FAM114A1: variants seen among roughly 807,000 people sequenced by gnomAD.
FAM114A1 encodes the protein family with sequence similarity 114 member A1.
A neutral mutation model predicts 64.3 loss-of-function variants in FAM114A1; 62 were observed. The ratio of observed to expected loss-of-function variants is 0.96; its 90% CI spans 0.79 to 1.19. The LOEUF is 1.19. FAM114A1 is among the 50% of genes most tolerant of loss of function. The pLI is 0.00. For missense variants in FAM114A1, 645 were observed against 676.3 expected, an observed-to-expected ratio of 0.95 and a Z score of 0.51; for synonymous variants, 254 against 251.1, an observed-to-expected ratio of 1.01 and a Z score of -0.11.
intron 7 of FAM114A1, among the ~76,000 whole-genome samples, chr4:38,912,755 T>G (rs1718680600): frequency 6.6e-6 from 1 of 152,162 alleles, no homozygotes; most frequent in Non-Finnish European, 1.5e-5. Flanking sequence ...TCATCCCTTC[T>G]TTTTTCTCTC....
chr4:38,877,395 T>C (rs546291250), intron 2 of FAM114A1, among the ~76,000 whole-genome samples: 2 of 152,210 alleles, frequency 1.3e-5, no homozygotes, highest in East Asian at 3.9e-4. Flanking sequence ...CATTAGATTC[T>C]CATAAGGAGT....
intron 6 of FAM114A1, among the ~76,000 whole-genome samples, chr4:38,906,262 AG>A (rs1717992653): frequency 1.3e-5 from 2 of 152,174 alleles, no homozygotes; most frequent in African/African-American, 4.8e-5. Context: ...TTAAATAAAA[AG>A]TACCCGTTAC....
At chr4:38,925,195 C>G (rs761805676) in intron 9 of FAM114A1, among the ~76,000 whole-genome samples, 2 of 152,134 alleles carry the variant, frequency 1.3e-5, no homozygotes, top group Non-Finnish European at 2.9e-5. Context: ...TTGACAAAAC[C>G]CTGTTATCTC....
At chr4:38,874,320 G>A (rs1714395884) in intron 2 of FAM114A1, among the ~76,000 whole-genome samples, 1 of 152,134 alleles carries the variant, frequency 6.6e-6, no homozygotes, top group Non-Finnish European at 1.5e-5. Context: ...TTCTTGAGAG[G>A]GTGAAAGCGT....
At chr4:38,913,943 C>G (rs1718797005) in intron 7 of FAM114A1, among the ~76,000 whole-genome samples, 1 of 150,942 alleles carries the variant, frequency 6.6e-6, no homozygotes, top group African/African-American at 2.4e-5. Flanking sequence ...ACTAAAAATA[C>G]AAAAAAATTA....
chr4:38,876,566 C>T (rs564165853), intron 2 of FAM114A1, among the ~76,000 whole-genome samples: 11 of 152,296 alleles, frequency 7.2e-5, no homozygotes, highest in South Asian at 2.1e-4. Flanking sequence ...TTCCCATAGG[C>T]GTAGTCTTTC....
intron 3 of FAM114A1, among the ~76,000 whole-genome samples, chr4:38,883,122 C>T (rs1318039776): frequency 2.0e-5 from 3 of 152,170 alleles, no homozygotes; most frequent in African/African-American, 7.2e-5. Context: ...TTCTCTAAGG[C>T]CTCTGCCAGC....
intron 13 of FAM114A1, chr4:38,938,787 G>C (rs919913301): frequency 1.3e-5 from 2 of 152,164 alleles, no homozygotes; most frequent in African/African-American, 4.8e-5. Flanking sequence ...CTAATTCCCA[G>C]TTGGTTATCC....
intron 13 of FAM114A1, among the ~76,000 whole-genome samples, chr4:38,936,466 A>G (rs1721109964): frequency 6.6e-6 from 1 of 151,496 alleles, no homozygotes; most frequent in Non-Finnish European, 1.5e-5. Flanking sequence ...GTACTTCAGA[A>G]TCTCTGGTAA....
In FAM114A1 at chr4:38,922,641, A is replaced by G. The variant is rs150851026; in HGVS notation, c.946-129A>G. Reference sequence around the variant, plus strand: ...TGCACAGTTAACATGCATCAAGCCAACATTCAACCCAGCGATACCTCCCAC... The same window carrying G: ...TGCACAGTTAACATGCATCAAGCCAGCATTCAACCCAGCGATACCTCCCAC... On this transcript the variant is annotated intron_variant, in intron 8 of 14. Coordinates refer to ENST00000358869, the MANE Select transcript of FAM114A1 (RefSeq NM_138389.4). 1,202 of 1,214,410 alleles carry G rather than the reference A, an allele frequency of 9.9e-4. 14 individuals carry two copies. In the African/African-American group the frequency reaches 0.017, roughly 18 times the overall value. 75.2% of individuals were successfully genotyped at this position (1,214,410 alleles called of 1,614,324 possible). A position where few individuals can be genotyped will look rare whatever the true frequency, so the allele number is the denominator to read the frequency against.
intron 4 of FAM114A1, among the ~76,000 whole-genome samples, chr4:38,892,066 A>T (rs1716463985): frequency 6.6e-6 from 1 of 152,232 alleles, no homozygotes; most frequent in Non-Finnish European, 1.5e-5. Context: ...AATCAGAGAG[A>T]GACTAAGACC....
chr4:38,878,650 A>G (rs1714915779), intron 3 of FAM114A1, among the ~76,000 whole-genome samples: 1 of 152,336 alleles, frequency 6.6e-6, no homozygotes, highest in South Asian at 2.1e-4. Context: ...GCCACCAATT[A>G]TCAGACACAA....
chr4:38,880,852 A>G (rs1381878720), intron 3 of FAM114A1, among the ~76,000 whole-genome samples: 2 of 152,228 alleles, frequency 1.3e-5, no homozygotes, highest in African/African-American at 4.8e-5. Context: ...ATACATTCCA[A>G]TTTCAGACAT....
Position 38,941,622 on chromosome 4 carries a change from G to A in FAM114A1, c.1590+601G>A, listed in dbSNP as rs148569603. ...AGAAATGGTAGCCTAAGAGAGAAGA[G>A]GTCCAGGAAGATTTCTCATTCTTGA... On this transcript the variant is annotated intron_variant, in intron 14 of 14. Transcript: ENST00000358869. Among the ~76,000 whole-genome samples the A allele has an allele frequency of 5.8e-3, 881 of 152,292 alleles. 9 individuals are homozygous for A. Among genetic ancestry groups the A allele is most frequent in the African/African-American group, 0.02 (842 of 41,558 alleles).
intron 6 of FAM114A1, among the ~76,000 whole-genome samples, chr4:38,908,216 A>G (rs1718202547): frequency 2.0e-5 from 3 of 152,244 alleles, no homozygotes; most frequent in African/African-American, 7.2e-5. Flanking sequence ...AAACAGAAAC[A>G]GCAATTTATT....
rs1298073906 is a variant in FAM114A1 at position 38,944,764 on chromosome 4, A to C, written c.*1207A>C. The C allele has an allele frequency of 6.6e-6, 1 of 152,084 alleles. No individual in the cohort carries two copies. The highest frequency in any genetic ancestry group is 1.5e-5 in the Non-Finnish European group (1 of 68,000). The allele number at this position is 152,084 out of a possible 1,614,324, so 9.4% of individuals were successfully genotyped here. Reference sequence around the variant, plus strand: ...CTTATGAGAATCTAATGCCTGATGAATCTAATGCCTCATGATCTGAGGTTG... The same window carrying C: ...CTTATGAGAATCTAATGCCTGATGACTCTAATGCCTCATGATCTGAGGTTG... On this transcript the variant is annotated 3_prime_UTR_variant, in exon 15 of 15. Coordinates refer to ENST00000358869, the MANE Select transcript of FAM114A1 (RefSeq NM_138389.4).
At chr4:38,936,547 CATT>C in intron 13 of FAM114A1, among the ~76,000 whole-genome samples, 1 of 140,628 alleles carries the variant, frequency 7.1e-6, no homozygotes, top group South Asian at 2.2e-4. Context: ...TAAGAGTTTT[CATT>C]TTTTTTTTTT....
chr4:38,891,806 C>T lies in FAM114A1; in HGVS notation c.412C>T (p.Leu138=). The change falls in exon 4 of 15, where the codon CTG becomes TTG. Residue 138 remains leucine, a synonymous_variant. Transcript: ENST00000358869. The part of the protein sequence containing the change: ...AGWGSWGKSL[L]SSASATVGHG... ...CTGGGGATCCTGGGGCAAATCTCTG[C>T]TGTCGTCAGCATCTGCCACAGTAGG... 1 of 1,612,662 alleles carries T rather than the reference C, an allele frequency of 6.2e-7. No homozygotes were observed. The highest frequency in any genetic ancestry group is 1.3e-5 in the African/African-American group (1 of 75,018).
At chr4:38,869,579 G>A (rs539509443) in intron 2 of FAM114A1, among the ~76,000 whole-genome samples, 1 of 152,312 alleles carries the variant, frequency 6.6e-6, no homozygotes, top group African/African-American at 2.4e-5. Flanking sequence ...ATGCCTGGCA[G>A]CCTCACAGAG....
Sources: allele counts gnomAD v4.1 joint callset (sites outside exome capture counted in the v4.1 genomes callset), GRCh38; gene constraint gnomAD v4.1.1; transcripts MANE v1.5; gene names NCBI Gene and HGNC (gene_info 2026-07-23, HGNC 2026-07-21).